Variants in CPLANE1 observed in about 807,000 individuals in gnomAD.
The protein encoded by CPLANE1 is ciliogenesis and planar polarity effector 1.
A neutral mutation model predicts 362.5 loss-of-function variants in CPLANE1; 263 were observed. The ratio of observed to expected loss-of-function variants is 0.73; its 90% CI spans 0.66 to 0.80. The LOEUF is 0.80. CPLANE1 is among the 30% of genes least tolerant of loss of function. CPLANE1 has a pLI of 0.00. For synonymous variants in CPLANE1, 1,212 were observed against 1,302.6 expected (o/e 0.93, Z 1.50); for missense variants, 3,461 against 3,793.4 (o/e 0.91, Z 2.30).
chr5:37,150,201 A>C (rs1208737324), intron 42 of CPLANE1, among the ~76,000 whole-genome samples: 2 of 151,576 alleles, frequency 1.3e-5, no homozygotes, highest in Non-Finnish European at 2.9e-5. Context: ...CCCTCCTCCA[A>C]CTCCTGCTTT....
intron 43 of CPLANE1, among the ~76,000 whole-genome samples, chr5:37,142,961 T>C (rs1013583014): frequency 9.9e-5 from 15 of 152,120 alleles, no homozygotes; most frequent in African/African-American, 1.7e-4. Flanking sequence ...GTCCATAAAA[T>C]AGGAAAAAGA....
chr5:37,188,502 G>A (rs781732618), intron 21 of CPLANE1, among the ~76,000 whole-genome samples: 9 of 152,166 alleles, frequency 5.9e-5, no homozygotes, highest in Non-Finnish European at 1.0e-4. Flanking sequence ...TTGAGCCCAG[G>A]AGTTTGAGAC....
rs753991053 is a variant in CPLANE1 at position 37,169,010 on chromosome 5, T to G, written c.7014A>C (p.Pro2338=). The change falls in exon 34 of 53, where the codon CCA becomes CCC. Residue 2338 remains proline, a synonymous_variant. Transcript: ENST00000651892. The part of the protein sequence containing the change: ...PQQDSSVFIK[P]EKLFDVKPGT... ...CTGGCTTAACATCAAATAGTTTTTC[T>G]GGTTTTATAAACACTGAAGAGTCCT... 6.2e-7 allele frequency: 1 copy of G among 1,614,156 alleles called. No individual in the cohort carries two copies. Among genetic ancestry groups the G allele is most frequent in the Non-Finnish European group, 8.5e-7 (1 of 1,180,016 alleles).
At chr5:37,114,004 G>C (rs772846683) in intron 51 of CPLANE1, among the ~76,000 whole-genome samples, 2 of 152,046 alleles carry the variant, frequency 1.3e-5, no homozygotes, top group Non-Finnish European at 2.9e-5. Flanking sequence ...GTAGAGATGG[G>C]GTTTCACCGT....
intron 5 of CPLANE1, 62 bp from the exon 6 acceptor site, chr5:37,243,181 A>G: frequency 1.1e-6 from 1 of 916,046 alleles, no homozygotes; most frequent in Admixed American, 2.8e-5. Flanking sequence ...AAGATACTAA[A>G]ATACATATAT....
At chr5:37,091,591 C>A in the CPLANE1 span, among the ~76,000 whole-genome samples, 2 of 152,172 alleles carry the variant, frequency 1.3e-5, no homozygotes, top group Non-Finnish European at 2.9e-5. Context: ...CTTATTTACC[C>A]TTAATTTTCT....
Position 37,183,104 on chromosome 5 carries a change from T to C in CPLANE1, c.5077A>G (p.Arg1693Gly), listed in dbSNP as rs1317619046. Residue 1693 changes from arginine (R) to glycine (G), a missense_variant, in exon 26 of 53, where the codon AGA becomes GGA. This residue lies in a region of CPLANE1 where 3,380 missense variants were observed against 3,666.1 expected (regional missense o/e 0.92). Coordinates refer to ENST00000651892, the MANE Select transcript of CPLANE1 (RefSeq NM_001384732.1). Reference sequence around the variant, plus strand: ...GATCTCTGGATTAGACATTTCTCTCTAGTGTCATCTTGTATTTTGTAAATT... The same window carrying C: ...GATCTCTGGATTAGACATTTCTCTCCAGTGTCATCTTGTATTTTGTAAATT... ...RSIYKIQDDT[R>G]EKCLIQRSSN... The C allele has an allele frequency of 1.2e-6, 2 of 1,613,302 alleles. No individual in the cohort carries two copies. Among genetic ancestry groups the C allele is most frequent in the Non-Finnish European group, 1.7e-6 (2 of 1,179,716 alleles).
intron 42 of CPLANE1, 95 bp from the exon 43 acceptor site, chr5:37,148,363 T>A: frequency 1.2e-6 from 1 of 824,862 alleles, no homozygotes; most frequent in Admixed American, 2.9e-5. Flanking sequence ...CTTGCATTAA[T>A]GCAAAAGTGA....
rs776735722 is a variant in CPLANE1, at chr5:37,169,118, C to T, written c.6906G>A (p.Thr2302=). 1.3e-5 allele frequency: 21 copies of T among 1,614,048 alleles called. No individual in the cohort carries two copies. The South Asian group carries it at 1.4e-4, about 11-fold the overall frequency. ...EARKKEVEQK[T]WAETVITEIP... ...TTTCTGTAATTACAGTTTCTGCCCA[C>T]GTCTTCTGCTCAACTTCTTTTTTTC... Residue 2302 remains threonine, a synonymous_variant, in exon 34 of 53, where the codon ACG becomes ACA. Coordinates refer to ENST00000651892, the MANE Select transcript of CPLANE1 (RefSeq NM_001384732.1).
intron 42 of CPLANE1, among the ~76,000 whole-genome samples, chr5:37,152,738 A>T (rs1387251013): frequency 6.6e-6 from 1 of 152,086 alleles, no homozygotes; most frequent in African/African-American, 2.4e-5. Flanking sequence ...AATTTTAAAA[A>T]CTTAGCTGAG....
At chr5:37,190,929 T>C (rs1227268907) in intron 21 of CPLANE1, among the ~76,000 whole-genome samples, 1 of 152,248 alleles carries the variant, frequency 6.6e-6, no homozygotes, top group Non-Finnish European at 1.5e-5. Flanking sequence ...TACTGGTTTA[T>C]TTATTTACTA....
intron 44 of CPLANE1, chr5:37,139,667 T>A: frequency 2.6e-6 from 1 of 391,568 alleles, no homozygotes; most frequent in Non-Finnish European, 3.6e-6. Context: ...CCTCCCACCT[T>A]AACCTCCTGA....
At chr5:37,142,146 A>C in intron 44 of CPLANE1, 164 bp downstream of exon 44, 1 of 1,230,450 alleles carries the variant, frequency 8.1e-7, no homozygotes, top group Non-Finnish European at 1.0e-6. Context: ...AAGATGTCAC[A>C]GTTCTTCATG....
chr5:37,135,629 T>C (rs1410941273), intron 46 of CPLANE1, among the ~76,000 whole-genome samples: 4 of 152,006 alleles, frequency 2.6e-5, no homozygotes. Context: ...GGTCAGCAGA[T>C]TGAGACCATC....
At chr5:37,202,689 A>G (rs754043265) in intron 18 of CPLANE1, among the ~76,000 whole-genome samples, 1 of 152,170 alleles carries the variant, frequency 6.6e-6, no homozygotes, top group African/African-American at 2.4e-5. Context: ...TAAAATATAG[A>G]ATATATGAAA....
At chr5:37,194,657 CTT>C (rs575103511) in intron 21 of CPLANE1, among the ~76,000 whole-genome samples, 61 of 135,038 alleles carry the variant, frequency 4.5e-4, no homozygotes, top group Admixed American at 6.8e-4. Context: ...TAAGAATAAA[CTT>C]TTTTTTTTTT....
At chr5:37,089,788 G>A in the CPLANE1 span, among the ~76,000 whole-genome samples, 2 of 152,142 alleles carry the variant, frequency 1.3e-5, no homozygotes, top group Admixed American at 1.3e-4. Context: ...TATCAATAAA[G>A]AAAAGCCAGC....
At chr5:37,210,711 C>T (rs1792346832) in intron 16 of CPLANE1, 1 of 1,577,072 alleles carries the variant, frequency 6.3e-7, no homozygotes, top group East Asian at 2.2e-5. Flanking sequence ...GCTTCTGGCA[C>T]AAAATAAATT....
intron 46 of CPLANE1, chr5:37,138,422 C>T (rs375070086): frequency 5.2e-5 from 24 of 462,224 alleles, no homozygotes; most frequent in Admixed American, 2.7e-4. Flanking sequence ...GTATTCTAAG[C>T]GTTAATTTTT....
Sources: allele counts gnomAD v4.1 joint callset (sites outside exome capture counted in the v4.1 genomes callset), GRCh38; gene constraint gnomAD v4.1.1; regional missense constraint gnomAD v4.1.1; transcripts MANE v1.5; gene names NCBI Gene and HGNC (gene_info 2026-07-23, HGNC 2026-07-21).